Variants in SLC22A23 observed in about 807,000 individuals in gnomAD.
SLC22A23 encodes ion transporter protein.
A neutral mutation model predicts 61.0 loss-of-function variants in SLC22A23; 26 were observed. The ratio of observed to expected loss-of-function variants is 0.43; its 90% CI spans 0.31 to 0.59. SLC22A23 has a LOEUF of 0.59. Among genes scored for constraint, SLC22A23 ranks in the 20% least tolerant of loss-of-function variants. The probability of loss-of-function intolerance (pLI) is 0.11; values close to 1 mark genes in which losing one functional copy is unlikely to be tolerated. For synonymous variants in SLC22A23, 430 were observed against 413.9 expected (o/e 1.04, Z -0.47); for missense variants, 796 against 934.7 (o/e 0.85, Z 1.94).
intron 4 of SLC22A23, among the ~76,000 whole-genome samples, chr6:3,316,824 G>A (rs2127389569): frequency 6.6e-6 from 1 of 152,270 alleles, no homozygotes; most frequent in Non-Finnish European, 1.5e-5. Flanking sequence ...TTTTGGTAGA[G>A]ATGGGGTCTC....
In SLC22A23 at chr6:3,308,962, C is replaced by G. The variant is rs73352977; in HGVS notation, c.1083-10744G>C. 0.015 allele frequency among the ~76,000 whole-genome samples: 2,221 copies of G among 149,436 alleles called. 50 individuals are homozygous for G. The highest frequency in any genetic ancestry group is 0.052 in the African/African-American group (2,108 of 40,556). ...TGTCTCAAAAAACAAACAAACAAAC[C>G]AACCAAAAAACCCCAACAACCCACA... On this transcript the variant is annotated intron_variant, in intron 4 of 9. Transcript: ENST00000406686. The surrounding 1 kb of genome is among the most constrained non-coding windows in gnomAD (Gnocchi z 5.1).
At chr6:3,326,198 G>A (rs1279923018) in intron 3 of SLC22A23, among the ~76,000 whole-genome samples, 1 of 152,172 alleles carries the variant, frequency 6.6e-6, no homozygotes, top group Non-Finnish European at 1.5e-5. Context: ...TGCTGTGGCT[G>A]GCACATCTCT....
chr6:3,435,146 C>T (rs558372986), intron 1 of SLC22A23, among the ~76,000 whole-genome samples: 1 of 152,202 alleles, frequency 6.6e-6, no homozygotes, highest in East Asian at 1.9e-4. Flanking sequence ...TGCTGGGGTC[C>T]AAATCTCAGC....
chr6:3,298,140 T>C lies in SLC22A23; in HGVS notation c.1161A>G (p.Thr387=). ...ESAKRLILHF[T]QKNRMNPEGD... ...CCTCAGGGTTCATGCGATTCTTCTGTGTGAAGTGGAGGATCAGCCTCTTTG... is the reference window on the plus strand; with the variant it reads ...CCTCAGGGTTCATGCGATTCTTCTGCGTGAAGTGGAGGATCAGCCTCTTTG... Residue 387 remains threonine (T), a synonymous_variant, in exon 5 of 10, where the codon ACA becomes ACG. Coordinates refer to ENST00000406686, the MANE Select transcript of SLC22A23 (RefSeq NM_015482.2). 6.3e-7 allele frequency: 1 copy of C among 1,589,920 alleles called. No individual in the cohort carries two copies. Among genetic ancestry groups the C allele is most frequent in the Non-Finnish European group, 8.5e-7 (1 of 1,170,768 alleles).
Position 3,308,882 on chromosome 6 carries a change from G to T in SLC22A23, c.1083-10664C>A, listed in dbSNP as rs1011104611. ...CACTTGAACCTGGGAGGCAGAGGTT[G>T]CAGTGAGCCGAGATTGTGCCACTGC... On this transcript the variant is annotated intron_variant, in intron 4 of 9. Transcript: ENST00000406686. The surrounding 1 kb of genome is among the most constrained non-coding windows in gnomAD (Gnocchi z 5.1). Among the ~76,000 whole-genome samples the T allele has an allele frequency of 6.6e-6, 1 of 151,958 alleles. No individual in the cohort carries two copies. Among genetic ancestry groups the T allele is most frequent in the African/African-American group, 2.4e-5 (1 of 41,340 alleles).
rs534974763 is a variant in SLC22A23, at chr6:3,439,290, A to C, written c.654+16616T>G. On this transcript the variant is annotated intron_variant, in intron 1 of 9. Transcript: ENST00000406686. ...TTGCCGAATGTTCTCTGGGAGCAAAATCATACCCCGTGGAAAGTGTCCAGA... is the reference window on the plus strand; with the variant it reads ...TTGCCGAATGTTCTCTGGGAGCAAACTCATACCCCGTGGAAAGTGTCCAGA... The C allele has an allele frequency of 4.9e-5, 22 of 449,074 alleles. No homozygotes were observed. In the East Asian group the frequency reaches 1.3e-3, roughly 27 times the overall value. 27.8% of individuals were successfully genotyped at this position (449,074 alleles called of 1,614,324 possible).
chr6:3,442,466 T>C (rs1004029560), intron 1 of SLC22A23, among the ~76,000 whole-genome samples: 2 of 152,086 alleles, frequency 1.3e-5, no homozygotes, highest in Non-Finnish European at 2.9e-5. Context: ...TTAAAAAGAG[T>C]AGGACAAAGA....
chr6:3,279,278 C>T (rs1279852837), intron 9 of SLC22A23, among the ~76,000 whole-genome samples: 3 of 151,168 alleles, frequency 2.0e-5, no homozygotes, highest in East Asian at 1.9e-4. Context: ...TTTGGGAGGC[C>T]GAGATGGGCA....
rs369985562 is a variant in SLC22A23, at chr6:3,352,248, C to T, written c.914-28246G>A. Among the ~76,000 whole-genome samples the T allele has an allele frequency of 6.9e-4, 101 of 146,942 alleles. 2 individuals carry two copies. In the South Asian group the frequency reaches 0.022, roughly 31 times the overall value. On this transcript the variant is annotated intron_variant, in intron 3 of 9. Transcript: ENST00000406686. ...GGACATGTACAGACACACAGACACT[C>T]ACAAACATACACACACAGACATGCA... is the stretch of plus-strand genomic sequence containing the variant.
At chr6:3,421,855 G>A (rs1770156861) in intron 1 of SLC22A23, among the ~76,000 whole-genome samples, 1 of 152,168 alleles carries the variant, frequency 6.6e-6, no homozygotes, top group African/African-American at 2.4e-5. Flanking sequence ...CAGGCCTACA[G>A]GAAGCTTATT....
intron 4 of SLC22A23, among the ~76,000 whole-genome samples, chr6:3,319,648 A>G (rs1762837435): frequency 6.6e-6 from 1 of 152,052 alleles, no homozygotes; most frequent in Admixed American, 6.6e-5. Flanking sequence ...TCTATTTTCT[A>G]CAGTTCCTGA....
At chr6:3,337,099 C>T (rs1168510923) in intron 3 of SLC22A23, among the ~76,000 whole-genome samples, 1 of 152,212 alleles carries the variant, frequency 6.6e-6, no homozygotes, top group Non-Finnish European at 1.5e-5. Context: ...TGAGCCACCA[C>T]TCCTGGCAGA....
In SLC22A23 at chr6:3,360,275, A is replaced by C. The variant is rs1334040313; in HGVS notation, c.914-36273T>G. Reference sequence around the variant, plus strand: ...GTAATTTTTATGCTATGTTTATTTTACCATGATAAAACAAACACCCCCCTC... The same window carrying C: ...GTAATTTTTATGCTATGTTTATTTTCCCATGATAAAACAAACACCCCCCTC... On this transcript the variant is annotated intron_variant, in intron 3 of 9. Coordinates refer to ENST00000406686, the MANE Select transcript of SLC22A23 (RefSeq NM_015482.2). The surrounding 1 kb of genome is among the most constrained non-coding windows in gnomAD (Gnocchi z 4.6). Among the ~76,000 whole-genome samples, 1 of 152,234 alleles carries C rather than the reference A, an allele frequency of 6.6e-6. No homozygotes were observed. Among genetic ancestry groups the C allele is most frequent in the Non-Finnish European group, 1.5e-5 (1 of 68,036 alleles).
In SLC22A23 at chr6:3,327,264, A is replaced by G. The variant is rs1253525536; in HGVS notation, c.914-3262T>C. On this transcript the variant is annotated intron_variant, in intron 3 of 9. Transcript: ENST00000406686. This position sits in a 1 kb window ranked among gnomAD's most constrained non-coding sequence, Gnocchi z 4.1. The stretch of plus-strand genomic sequence containing the variant: ...CCTTCAGGGCCTGGCTACTGTGGAG[A>G]GTAGATCACTCACAGGCAGGTGTCC... Among the ~76,000 whole-genome samples, 1 of 152,230 alleles carries G rather than the reference A, an allele frequency of 6.6e-6. No individual in the cohort carries two copies. Among genetic ancestry groups the G allele is most frequent in the Non-Finnish European group, 1.5e-5 (1 of 68,032 alleles).
Position 3,278,430 on chromosome 6 carries a change from G to A in SLC22A23, c.1704-5018C>T, listed in dbSNP as rs1398478970. Among the ~76,000 whole-genome samples, 4 of 152,292 alleles carry A rather than the reference G, an allele frequency of 2.6e-5. No homozygotes were observed. The South Asian group carries it at 8.3e-4, about 32-fold the overall frequency. ...TCCCAGATACTCAAACTCCTCCCAG[G>A]CTGAGGGTCCCAGACCACCGTTCAA... On this transcript the variant is annotated intron_variant, in intron 9 of 9. Coordinates refer to ENST00000406686, the MANE Select transcript of SLC22A23 (RefSeq NM_015482.2).
At chr6:3,337,963 T>C (rs975515512) in intron 3 of SLC22A23, among the ~76,000 whole-genome samples, 3 of 152,208 alleles carry the variant, frequency 2.0e-5, no homozygotes, top group Non-Finnish European at 4.4e-5. Flanking sequence ...AAATTTCCCT[T>C]TGTGAAGTTG....
In SLC22A23 at chr6:3,316,150, C is replaced by T. The variant is rs574647107; in HGVS notation, c.1082+7684G>A. 2.0e-5 allele frequency among the ~76,000 whole-genome samples: 3 copies of T among 152,318 alleles called. No homozygotes were observed. The East Asian group carries it at 5.8e-4, about 29-fold the overall frequency. On this transcript the variant is annotated intron_variant, in intron 4 of 9. Coordinates refer to ENST00000406686, the MANE Select transcript of SLC22A23 (RefSeq NM_015482.2). ...GCTGATGCTGCTGGCCCAGGGACTGCACTTTGAGAACCACTGACATTTGAA... is the reference window on the plus strand; with the variant it reads ...GCTGATGCTGCTGGCCCAGGGACTGTACTTTGAGAACCACTGACATTTGAA...
chr6:3,276,134 G>T (rs1758879282), intron 9 of SLC22A23, among the ~76,000 whole-genome samples: 1 of 152,136 alleles, frequency 6.6e-6, no homozygotes, highest in Non-Finnish European at 1.5e-5. Flanking sequence ...TGTGTTGGGG[G>T]CTTTTGTCCT....
intron 6 of SLC22A23, among the ~76,000 whole-genome samples, chr6:3,287,882 A>G (rs190041758): frequency 6.6e-6 from 1 of 152,070 alleles, no homozygotes; most frequent in East Asian, 1.9e-4. Flanking sequence ...ACAGGGTTTC[A>G]CCATGTTGGA....
Sources: gnomAD v4.1 joint callset for allele counts (sites outside exome capture counted in the v4.1 genomes callset) on GRCh38, gnomAD v4.1.1 for gene constraint, Gnocchi (gnomAD v3.1) non-coding constraint, MANE v1.5 for transcripts, NCBI Gene and HGNC (gene_info 2026-07-23, HGNC 2026-07-21) for gene names.